The following GRM5 variants were observed in gnomAD, a reference collection of about 807,000 sequenced individuals.
GRM5 encodes the protein glutamate metabotropic receptor 5, also known as metabotropic glutamate receptor 5.
Under a neutral mutation model 83.1 loss-of-function variants are expected in GRM5, and 19 were observed. The ratio of observed to expected loss-of-function variants is 0.23; its 90% CI spans 0.16 to 0.34. The LOEUF (loss-of-function observed/expected upper bound fraction) is 0.34, where lower values mean the gene tolerates loss of function less well. GRM5 is among the 10% of genes least tolerant of loss of function. The probability of loss-of-function intolerance (pLI) is 1.00; values close to 1 mark genes in which losing one functional copy is unlikely to be tolerated. For synonymous variants in GRM5, 675 were observed against 633.6 expected, an observed-to-expected ratio of 1.07 and a Z score of -0.98; for missense variants, 1,160 against 1,588.3, an observed-to-expected ratio of 0.73 and a Z score of 4.58.
chr11:88,663,014 T>C (rs1161812662), intron 3 of GRM5, among the ~76,000 whole-genome samples: 3 of 152,170 alleles, frequency 2.0e-5, no homozygotes, highest in African/African-American at 7.2e-5. Context: ...ATACACGCAT[T>C]TTTCTTTAAG....
intron 2 of GRM5, among the ~76,000 whole-genome samples, chr11:88,881,894 C>CTGTT (rs10695551): frequency 0.75 from 114,424 of 151,740 alleles, 43,912 homozygotes; most frequent in East Asian, 0.99. Context: ...TTATATAAAA[C>CTGTT]TGAGGCTTTG....
intron 2 of GRM5, among the ~76,000 whole-genome samples, chr11:88,883,831 C>T (rs761269275): frequency 2.6e-5 from 4 of 152,154 alleles, no homozygotes; most frequent in Non-Finnish European, 5.9e-5. Context: ...GCCTTGGCAA[C>T]TTACACATGG....
rs368957301 is a variant in GRM5, at chr11:88,865,825, G to A, written c.662-15670C>T. 4.9e-4 allele frequency among the ~76,000 whole-genome samples: 75 copies of A among 152,064 alleles called. 1 individual carries two copies. The highest frequency in any genetic ancestry group is 1.7e-3 in the African/African-American group (71 of 41,542). ...TGAAAAAAACTCATCGTCACTGGTCGTTAGGGTAATGCAAATCAAAACCAC... is the reference window on the plus strand; with the variant it reads ...TGAAAAAAACTCATCGTCACTGGTCATTAGGGTAATGCAAATCAAAACCAC... On this transcript the variant is annotated intron_variant, in intron 2 of 9. Coordinates refer to ENST00000305447, the MANE Select transcript of GRM5 (RefSeq NM_001143831.3).
At chr11:88,999,609 GAAAA>G (rs1940303445) in intron 2 of GRM5, among the ~76,000 whole-genome samples, 1 of 152,082 alleles carries the variant, frequency 6.6e-6, no homozygotes, top group Admixed American at 6.5e-5. Flanking sequence ...AGAGGATGTG[GAAAA>G]ATAGGAACAC....
In GRM5 at chr11:88,915,120, C is replaced by A. The variant is rs528607124; in HGVS notation, c.662-64965G>T. On this transcript the variant is annotated intron_variant, in intron 2 of 9. Coordinates refer to ENST00000305447, the MANE Select transcript of GRM5 (RefSeq NM_001143831.3). Reference sequence around the variant, plus strand: ...TGAGCACTAGGTTTGACTACTTCTGCCTACTCTTTGTAGAATAAAAAAAAA... The same window carrying A: ...TGAGCACTAGGTTTGACTACTTCTGACTACTCTTTGTAGAATAAAAAAAAA... 2.0e-5 allele frequency among the ~76,000 whole-genome samples: 3 copies of A among 152,090 alleles called. No homozygotes were observed. The South Asian group carries it at 6.2e-4, about 32-fold the overall frequency.
intron 3 of GRM5, among the ~76,000 whole-genome samples, chr11:88,672,182 G>A (rs1407946322): frequency 3.4e-5 from 5 of 148,218 alleles, no homozygotes; most frequent in African/African-American, 1.3e-4. Context: ...CTAACATTAA[G>A]TTATATTATC....
At chr11:88,840,275 A>C (rs983256152) in intron 3 of GRM5, among the ~76,000 whole-genome samples, 2 of 152,172 alleles carry the variant, frequency 1.3e-5, no homozygotes, top group African/African-American at 2.4e-5. Context: ...AGCAGTCTTG[A>C]ATAACTGAAA....
In GRM5 at chr11:88,597,241, C is replaced by G; in HGVS notation, c.1506G>C (p.Lys502Asn). Reference sequence around the variant, plus strand: ...ACACAGATCTGATGATGTTGCTTTTCTTGGACCATACTTCATCATCATCCA... The same window carrying G: ...ACACAGATCTGATGATGTTGCTTTTGTTGGACCATACTTCATCATCATCCA... ...LKMDDDEVWSKKSNIIRSVCS... is the reference protein window; with the variant it reads ...LKMDDDEVWSNKSNIIRSVCS... Residue 502 changes from lysine to asparagine, a missense_variant, in exon 6 of 10, where the codon AAG (lysine) becomes AAC (asparagine). By Grantham distance (94) the Lys-to-Asn change is moderately conservative. Coordinates refer to ENST00000305447, the MANE Select transcript of GRM5 (RefSeq NM_001143831.3). 1.2e-6 allele frequency: 2 copies of G among 1,609,932 alleles called. No homozygotes were observed. Among genetic ancestry groups the G allele is most frequent in the Non-Finnish European group, 1.7e-6 (2 of 1,176,814 alleles).
At chr11:88,618,715 A>G (rs531566882) in intron 4 of GRM5, among the ~76,000 whole-genome samples, 1 of 152,298 alleles carries the variant, frequency 6.6e-6, no homozygotes, top group Non-Finnish European at 1.5e-5. Context: ...AAGTGCGCAT[A>G]ATAAAATGGT....
chr11:88,696,737 A>T (rs904711113), intron 3 of GRM5, among the ~76,000 whole-genome samples: 9 of 152,226 alleles, frequency 5.9e-5, no homozygotes, highest in Non-Finnish European at 8.8e-5. Context: ...GGTTGTAAAG[A>T]TTAAATGACA....
intron 2 of GRM5, among the ~76,000 whole-genome samples, chr11:88,918,329 C>T (rs1288536523): frequency 6.6e-6 from 1 of 151,844 alleles, no homozygotes; most frequent in Non-Finnish European, 1.5e-5. Context: ...ATACCTAATG[C>T]TAGATGACAA....
chr11:88,749,009 T>C (rs1942204219), intron 3 of GRM5, among the ~76,000 whole-genome samples: 1 of 152,100 alleles, frequency 6.6e-6, no homozygotes, highest in South Asian at 2.1e-4. Flanking sequence ...ACAAAAATGC[T>C]GAAAACTCAA....
At chr11:88,576,588 CA>C (rs1438909576) in intron 7 of GRM5, among the ~76,000 whole-genome samples, 1 of 152,084 alleles carries the variant, frequency 6.6e-6, no homozygotes, top group African/African-American at 2.4e-5. Flanking sequence ...CTCTATGTCT[CA>C]ATTTTTTCAT....
At chr11:88,608,700 T>A (rs2135237970) in intron 4 of GRM5, among the ~76,000 whole-genome samples, 1 of 152,052 alleles carries the variant, frequency 6.6e-6, no homozygotes, top group South Asian at 2.1e-4. Flanking sequence ...TTTTGTATTT[T>A]TAGTAGAGAC....
chr11:88,662,699 A>G (rs779867908), intron 3 of GRM5, among the ~76,000 whole-genome samples: 13 of 152,250 alleles, frequency 8.5e-5, no homozygotes, highest in African/African-American at 1.2e-4. Context: ...GACATGAGAG[A>G]GCTAGAGGAG....
At chr11:88,620,315 C>G (rs945907447) in intron 4 of GRM5, among the ~76,000 whole-genome samples, 10 of 152,180 alleles carry the variant, frequency 6.6e-5, no homozygotes, top group Non-Finnish European at 1.2e-4. Flanking sequence ...AATGCCTATT[C>G]TGTGCAAAAG....
intron 4 of GRM5, among the ~76,000 whole-genome samples, chr11:88,638,582 G>A (rs1939204602): frequency 6.6e-6 from 1 of 151,982 alleles, no homozygotes; most frequent in Non-Finnish European, 1.5e-5. Flanking sequence ...TTAAATGTTT[G>A]GCAGCAGTTC....
chr11:88,895,528 A>T (rs1015073944), intron 2 of GRM5, among the ~76,000 whole-genome samples: 2 of 151,966 alleles, frequency 1.3e-5, no homozygotes, highest in African/African-American at 4.8e-5. Context: ...AGTATTAACT[A>T]TCATAATTGG....
At chr11:88,773,519 C>A (rs925701755) in intron 3 of GRM5, among the ~76,000 whole-genome samples, 1 of 152,024 alleles carries the variant, frequency 6.6e-6, no homozygotes, top group Non-Finnish European at 1.5e-5. Flanking sequence ...GTCATGAAAC[C>A]CTTGCCCATG....
Sources: gnomAD v4.1 joint callset for allele counts (sites outside exome capture counted in the v4.1 genomes callset) on GRCh38, gnomAD v4.1.1 for gene constraint, MANE v1.5 for transcripts, NCBI Gene and HGNC (gene_info 2026-07-23, HGNC 2026-07-21) for gene names.